Variants in ATP13A3 observed in about 807,000 individuals in gnomAD.
The protein encoded by ATP13A3 is polyamine-transporting ATPase 13A3.
ATP13A3 carries 59 observed loss-of-function variants against 158.1 expected under a neutral mutation model. That is an observed-to-expected ratio of 0.37 (90% confidence interval 0.30 to 0.46). The LOEUF (loss-of-function observed/expected upper bound fraction) is 0.46. Ranked by LOEUF, ATP13A3 falls within the 20% of genes least tolerant of loss-of-function variation. The probability of loss-of-function intolerance (pLI) is 1.00; values close to 1 mark genes in which losing one functional copy is unlikely to be tolerated. For synonymous variants in ATP13A3, 491 were observed against 504.3 expected, an observed-to-expected ratio of 0.97 and a Z score of 0.35; for missense variants, 1,166 against 1,525.2, an observed-to-expected ratio of 0.76 and a Z score of 3.92.
intron 8 of ATP13A3, 88 bp from the exon 9 acceptor site, chr3:194,454,480 A>G: frequency 1.5e-6 from 2 of 1,312,024 alleles, no homozygotes; most frequent in East Asian, 2.4e-5. Context: ...ACAAAAAGAT[A>G]CAAATATGTA....
intron 32 of ATP13A3, chr3:194,413,138 C>T (rs1370611177): frequency 1.3e-5 from 2 of 152,236 alleles, no homozygotes; most frequent in African/African-American, 4.8e-5. Context: ...AACTTGCTAC[C>T]TCCTTTTAGA....
At chr3:194,431,294 C>T in intron 22 of ATP13A3, 68 bp from the exon 23 acceptor site, 5 of 1,471,450 alleles carry the variant, frequency 3.4e-6, no homozygotes, top group Non-Finnish European at 4.6e-6. Context: ...CTATTTTAAA[C>T]ATATTTGTTC....
intron 33 of ATP13A3, among the ~76,000 whole-genome samples, chr3:194,409,727 A>T (rs2108709815): frequency 1.2e-5 from 1 of 81,672 alleles, no homozygotes; most frequent in South Asian, 4.7e-4. Context: ...TTTTGGTCAG[A>T]GAGTAAGTAT....
chr3:194,446,777 T>C, intron 14 of ATP13A3, 150 bp downstream of exon 14: 3 of 672,150 alleles, frequency 4.5e-6, no homozygotes, highest in Non-Finnish European at 7.4e-6. Context: ...AGAAAAATGA[T>C]GCATATACCA....
intron 10 of ATP13A3, chr3:194,453,034 G>A (rs950674464): frequency 2.6e-5 from 4 of 152,012 alleles, no homozygotes; most frequent in African/African-American, 9.7e-5. Context: ...ATGTATGTGC[G>A]AGGCAGAGTG....
Position 194,429,729 on chromosome 3 carries a change from G to T in ATP13A3, c.2823C>A (p.Phe941Leu). The change falls in exon 27 of 34, where the codon TTC (phenylalanine) becomes TTA (leucine). Residue 941 changes from phenylalanine to leucine, a missense_variant. Physicochemically the swap from Phe to Leu is conservative, Grantham distance 22. This residue lies in a region of ATP13A3 where 997 missense variants were observed against 1,341.2 expected (regional missense o/e 0.74). Coordinates refer to ENST00000645319, the MANE Select transcript of ATP13A3 (RefSeq NM_001367549.1). ...ACTGGATAATGCTGTACAATGCCATGAATTTAAACACACAGAAGGAAGTTA... is the reference window on the plus strand; with the variant it reads ...ACTGGATAATGCTGTACAATGCCATTAATTTAAACACACAGAAGGAAGTTA... ...ALITSFCVFKFMALYSIIQYF... is the reference protein window; with the variant it reads ...ALITSFCVFKLMALYSIIQYF... 3 of 1,614,004 alleles carry T rather than the reference G, an allele frequency of 1.9e-6. No individual in the cohort carries two copies. Among genetic ancestry groups the T allele is most frequent in the South Asian group, 1.1e-5 (1 of 91,060 alleles).
At chr3:194,482,449 G>C (rs1720789141) in intron 2 of ATP13A3, among the ~76,000 whole-genome samples, 1 of 152,124 alleles carries the variant, frequency 6.6e-6, no homozygotes, top group Admixed American at 6.5e-5. Flanking sequence ...AGTGATAACT[G>C]ATTAACTGTG....
chr3:194,411,132 T>C (rs1211406386), intron 33 of ATP13A3, among the ~76,000 whole-genome samples: 1 of 150,986 alleles, frequency 6.6e-6, no homozygotes, highest in African/African-American at 2.4e-5. Flanking sequence ...AAAACGGAAA[T>C]GGTACTCTGC....
intron 8 of ATP13A3, among the ~76,000 whole-genome samples, 167 bp from the exon 9 acceptor site, chr3:194,454,559 T>A (rs537266848): frequency 1.3e-5 from 2 of 152,360 alleles, no homozygotes; most frequent in African/African-American, 4.8e-5. Context: ...CTGGGCGCGG[T>A]GGCTCACGCC....
chr3:194,403,895 C>T lies in ATP13A3; in HGVS notation c.*2024G>A, dbSNP rs14414. ...GGACAGAAGAGATATAAAACCCTTA[C>T]TAACTCTAAATGTTAAAAAAGTGGG... On this transcript the variant is annotated 3_prime_UTR_variant, in exon 34 of 34. Coordinates refer to ENST00000645319, the MANE Select transcript of ATP13A3 (RefSeq NM_001367549.1). The T allele has an allele frequency of 0.3, 92,357 of 307,064 alleles. 18,589 individuals carry two copies. The highest frequency in any genetic ancestry group is 0.69 in the African/African-American group (30,052 of 43,864). The allele number at this position is 307,064 out of a possible 1,614,324, so 19.0% of individuals were successfully genotyped here. A position where few individuals can be genotyped will look rare whatever the true frequency, so the allele number is the denominator to read the frequency against.
chr3:194,453,866 C>T, intron 9 of ATP13A3, 88 bp from the exon 10 acceptor site: 1 of 904,570 alleles, frequency 1.1e-6, no homozygotes, highest in African/African-American at 1.7e-5. Flanking sequence ...TAAGTTAATT[C>T]AATAAATGCA....
chr3:194,483,180 T>C (rs558713169), intron 2 of ATP13A3, among the ~76,000 whole-genome samples: 1 of 151,888 alleles, frequency 6.6e-6, no homozygotes, highest in South Asian at 2.1e-4. Flanking sequence ...ACTACCCTTG[T>C]TGCTGAGGCA....
In ATP13A3 at chr3:194,431,040, A is replaced by G. The variant is rs747418439; in HGVS notation, c.2545-18T>C. ...AACATCAACTGGAAACAATAATACA[A>G]ATTTTTTTAAAATACTGTTGCGATG... On this transcript the variant is annotated intron_variant, in intron 23 of 33. Coordinates refer to ENST00000645319, the MANE Select transcript of ATP13A3 (RefSeq NM_001367549.1). 1.2e-6 allele frequency: 2 copies of G among 1,613,366 alleles called. No homozygotes were observed. The highest frequency in any genetic ancestry group is 1.7e-5 in the Admixed American group (1 of 59,970).
intron 33 of ATP13A3, among the ~76,000 whole-genome samples, chr3:194,411,118 T>C (rs1715396400): frequency 6.6e-6 from 1 of 151,274 alleles, no homozygotes; most frequent in Non-Finnish European, 1.5e-5. Flanking sequence ...CCATAAAGCA[T>C]TAGAAAACGG....
At position 194,438,986 on chromosome 3, in the gene ATP13A3, A is replaced by G. The variant is rs756849860; in HGVS notation, c.1711-14T>C. 23 of 1,516,560 alleles carry G rather than the reference A, an allele frequency of 1.5e-5. No homozygotes were observed. The African/African-American group carries it at 3.0e-4, about 20-fold the overall frequency. The allele number at this position is 1,516,560 out of a possible 1,614,324, so 93.9% of individuals were successfully genotyped here. On this transcript the variant is annotated splice_polypyrimidine_tract_variant and intron_variant, in intron 16 of 33. Transcript: ENST00000645319. ...TTCTTCCAGAATCTGGAAAAAAAAAAGAGACAAAAAAAAACAAAAACACAA... is the reference window on the plus strand; with the variant it reads ...TTCTTCCAGAATCTGGAAAAAAAAAGGAGACAAAAAAAAACAAAAACACAA...
intron 22 of ATP13A3, among the ~76,000 whole-genome samples, 183 bp from the exon 23 acceptor site, chr3:194,431,409 G>A (rs1717210273): frequency 6.6e-6 from 1 of 152,130 alleles, no homozygotes; most frequent in Non-Finnish European, 1.5e-5. Flanking sequence ...AATTTGAAAT[G>A]ATGCATGAAC....
chr3:194,482,000 A>G (rs1325194907), intron 2 of ATP13A3, among the ~76,000 whole-genome samples: 3 of 152,228 alleles, frequency 2.0e-5, no homozygotes, highest in African/African-American at 7.2e-5. Flanking sequence ...TGGGTCTAAG[A>G]TGTTAACAGA....
chr3:194,477,196 T>A (rs1246762024), intron 2 of ATP13A3, among the ~76,000 whole-genome samples: 1 of 152,198 alleles, frequency 6.6e-6, no homozygotes, highest in Non-Finnish European at 1.5e-5. Context: ...CTCAAGCTAC[T>A]AAGCTTTGAT....
At chr3:194,488,834 G>A (rs1314647180), upstream of ATP13A3, 3 of 152,120 alleles carry the variant, frequency 2.0e-5, no homozygotes, top group African/African-American at 7.2e-5. The surrounding 1 kb of genome is among the most constrained non-coding windows in gnomAD (Gnocchi z 4.1). Context: ...CATTCTTCTG[G>A]GATTGCCTGC....
Sources: allele counts gnomAD v4.1 joint callset (sites outside exome capture counted in the v4.1 genomes callset), GRCh38; gene constraint gnomAD v4.1.1; regional missense constraint gnomAD v4.1.1; non-coding constraint Gnocchi (gnomAD v3.1); transcripts MANE v1.5; gene names NCBI Gene and HGNC (gene_info 2026-07-23, HGNC 2026-07-21).